The following FERD3L variants were observed in gnomAD, a reference collection of about 807,000 sequenced individuals.
The protein encoded by FERD3L is fer3-like protein.
FERD3L carries 7 observed loss-of-function variants against 7.5 expected under a neutral mutation model. The observed-to-expected ratio is 0.94, with a 90% CI of 0.53 to 1.76. The LOEUF is 1.76. FERD3L is among the 40% of genes most tolerant of loss of function. The pLI is 0.00. For synonymous variants in FERD3L, 122 were observed against 94.4 expected (o/e 1.29, Z -1.70); for missense variants, 264 against 220.9 (o/e 1.20, Z -1.24).
Position 19,144,946 on chromosome 7 carries a change from C to A in FERD3L, c.417G>T (p.Arg139=). ...CGATGGCCAGGCGGAGGGTCTCGAT[C>A]CGGGACAGCCTTTTCTCGTAAGCAA... The part of the protein sequence containing the change: ...PTFAYEKRLS[R]IETLRLAIVY... The change falls in exon 1 of 1, where the codon CGG becomes CGT. Residue 139 remains arginine (R), a synonymous_variant. Transcript: ENST00000275461. The A allele has an allele frequency of 6.2e-7, 1 of 1,614,182 alleles. No individual in the cohort carries two copies. The highest frequency in any genetic ancestry group is 1.3e-5 in the African/African-American group (1 of 75,058).
At position 19,145,304 on chromosome 7, in the gene FERD3L, A is replaced by G. The variant is rs539063986; in HGVS notation, c.59T>C (p.Leu20Pro). 3.1e-6 allele frequency: 5 copies of G among 1,611,334 alleles called. No homozygotes were observed. The highest frequency in any genetic ancestry group is 4.2e-6 in the Non-Finnish European group (5 of 1,179,428). Reference sequence around the variant, plus strand: ...AGGGCGTCTCGGGGAGGCCAGGGACAGGTCTGCGACGAAGTCCAGCACCGT... The same window carrying G: ...AGGGCGTCTCGGGGAGGCCAGGGACGGGTCTGCGACGAAGTCCAGCACCGT... Reference protein sequence around the residue: ...DTTVLDFVADLSLASPRRPLL... With the variant: ...DTTVLDFVADPSLASPRRPLL... The change falls in exon 1 of 1, where the codon CTG (leucine) becomes CCG (proline). Residue 20 changes from leucine to proline, a missense_variant. Coordinates refer to ENST00000275461, the MANE Select transcript of FERD3L (RefSeq NM_152898.2).
At position 19,144,861 on chromosome 7, in the gene FERD3L, C is replaced by T. The variant is rs768364620; in HGVS notation, c.*1G>A. ...GGAAGGGCAGACTCTCCACACCAGG[C>T]TCAGCCGCTTTCCTTCTTCTCACAG... On this transcript the variant is annotated 3_prime_UTR_variant, in exon 1 of 1. Transcript: ENST00000275461. 10 of 1,613,382 alleles carry T rather than the reference C, an allele frequency of 6.2e-6. No individual in the cohort carries two copies. In the South Asian group the frequency reaches 8.8e-5, roughly 14 times the overall value.
chr7:19,145,051 C>T lies in FERD3L; in HGVS notation c.312G>A (p.Gln104=). The T allele has an allele frequency of 6.2e-7, 1 of 1,614,162 alleles. No homozygotes were observed. The highest frequency in any genetic ancestry group is 8.5e-7 in the Non-Finnish European group (1 of 1,180,014). The change falls in exon 1 of 1, where the codon CAG becomes CAA. Residue 104 remains glutamine (Q), a synonymous_variant. Transcript: ENST00000275461. ...GCTTCCTTTCGCGGATGTTGGCGGC[C>T]TGGCGCTGGGCGTAGGTGATCACCC... ...RKRVITYAQR[Q]AANIRERKRM... is the part of the protein sequence containing the mutation.
Position 19,144,805 on chromosome 7 carries a change from G to A in FERD3L, c.*57C>T, listed in dbSNP as rs1039355767. ...GGCCCTTTAGCCTCACCCAGTGCCC[G>A]GTCCTGACACACCCCAGCACTACCA... On this transcript the variant is annotated 3_prime_UTR_variant, in exon 1 of 1. Transcript: ENST00000275461. 34 of 1,577,722 alleles carry A rather than the reference G, an allele frequency of 2.2e-5. No homozygotes were observed. In the East Asian group the frequency reaches 6.3e-4, roughly 29 times the overall value.
At position 19,145,100 on chromosome 7, in the gene FERD3L, A is replaced by G; in HGVS notation, c.263T>C (p.Leu88Pro). Residue 88 changes from leucine (L) to proline (P), a missense_variant, in exon 1 of 1, where the codon CTA becomes CCA. Coordinates refer to ENST00000275461, the MANE Select transcript of FERD3L (RefSeq NM_152898.2). ...EEEERGRGVS[L>P]LGRPKRKRVI... The stretch of plus-strand genomic sequence containing the variant: ...CCTTTTCCTCTTGGGGCGGCCTAAT[A>G]GGGAGACACCTCTTCCGCGCTCCTC... 6.2e-7 allele frequency: 1 copy of G among 1,613,282 alleles called. No homozygotes were observed. The highest frequency in any genetic ancestry group is 8.5e-7 in the Non-Finnish European group (1 of 1,179,582).
In FERD3L at chr7:19,145,172, T is replaced by G. The variant is rs970737177; in HGVS notation, c.191A>C (p.Glu64Ala). 8 of 1,613,686 alleles carry G rather than the reference T, an allele frequency of 5.0e-6. No homozygotes were observed. The highest frequency in any genetic ancestry group is 5.9e-6 in the Non-Finnish European group (7 of 1,179,772). ...CCCCTGGTCCACTTCGCACTCCTCTTCTTCTGGGTCCCCCTCTTCAAACCG... is the reference window on the plus strand; with the variant it reads ...CCCCTGGTCCACTTCGCACTCCTCTGCTTCTGGGTCCCCCTCTTCAAACCG... Reference protein sequence around the residue: ...MARFEEGDPEEEECEVDQGDG... With the variant: ...MARFEEGDPEAEECEVDQGDG... The change falls in exon 1 of 1, where the codon GAA becomes GCA. Residue 64 changes from glutamate (E) to alanine (A), a missense_variant. Glu to Ala is a moderately radical substitution (Grantham distance 107, BLOSUM62 -1). Transcript: ENST00000275461.
rs746656642 is a variant in FERD3L, at chr7:19,145,056, G to T, written c.307C>A (p.Arg103Ser). ...KRKRVITYAQ[R>S]QAANIRERKR... ...CTTTCGCGGATGTTGGCGGCCTGGCGCTGGGCGTAGGTGATCACCCTTTTC... is the reference window on the plus strand; with the variant it reads ...CTTTCGCGGATGTTGGCGGCCTGGCTCTGGGCGTAGGTGATCACCCTTTTC... The change falls in exon 1 of 1, where the codon CGC becomes AGC. Residue 103 changes from arginine (R) to serine (S), a missense_variant. Arg to Ser is a moderately radical substitution (Grantham distance 110, BLOSUM62 -1). Transcript: ENST00000275461. 3.7e-6 allele frequency: 6 copies of T among 1,614,156 alleles called. No individual in the cohort carries two copies. The highest frequency in any genetic ancestry group is 5.1e-6 in the Non-Finnish European group (6 of 1,180,024).
In FERD3L at chr7:19,145,123, C is replaced by G. The variant is rs199985178; in HGVS notation, c.240G>C (p.Glu80Asp). The change falls in exon 1 of 1, where the codon GAG becomes GAC. Residue 80 changes from glutamate (E) to aspartate (D), a missense_variant. By Grantham distance (45) the Glu-to-Asp change is conservative (BLOSUM62 2). Coordinates refer to ENST00000275461, the MANE Select transcript of FERD3L (RefSeq NM_152898.2). ...DQGDGEEEEE[E>D]ERGRGVSLLG... is the part of the protein sequence containing the mutation. ...ATAGGGAGACACCTCTTCCGCGCTC[C>G]TCTTCCTCCTCCTCTTCTCCGTCCC... 16 of 1,612,336 alleles carry G rather than the reference C, an allele frequency of 9.9e-6. No homozygotes were observed. The highest frequency in any genetic ancestry group is 1.4e-5 in the Non-Finnish European group (16 of 1,178,706).
rs757836312 is a variant in FERD3L, at chr7:19,145,329, T to C, written c.34A>G (p.Thr12Ala). ...AAYPESCVDTTVLDFVADLSL... is the reference protein window; with the variant it reads ...AAYPESCVDTAVLDFVADLSL... ...AGGTCTGCGACGAAGTCCAGCACCG[T>C]AGTGTCCACGCAGCTCTCCGGATAG... The change falls in exon 1 of 1, where the codon ACG becomes GCG. Residue 12 changes from threonine to alanine, a missense_variant. Physicochemically the swap from Thr to Ala is moderately conservative, Grantham distance 58 (BLOSUM62 0). Coordinates refer to ENST00000275461, the MANE Select transcript of FERD3L (RefSeq NM_152898.2). The C allele has an allele frequency of 8.8e-6, 14 of 1,599,696 alleles. No homozygotes were observed. Among genetic ancestry groups the C allele is most frequent in the Non-Finnish European group, 1.2e-5 (14 of 1,171,540 alleles).
rs751983847 is a variant in FERD3L, at chr7:19,145,269, C to A, written c.94G>T (p.Asp32Tyr). ...CCCAAGGAGACCCCGGGTGCGAAGT[C>A]GCAGAGGAGAGGGCGTCTCGGGGAG... ...LASPRRPLLC[D>Y]FAPGVSLGDP... Residue 32 changes from aspartate to tyrosine, a missense_variant, in exon 1 of 1, where the codon GAC becomes TAC. By Grantham distance (160) the Asp-to-Tyr change is radical (BLOSUM62 -3). Transcript: ENST00000275461. 2 of 1,613,814 alleles carry A rather than the reference C, an allele frequency of 1.2e-6. No individual in the cohort carries two copies. The highest frequency in any genetic ancestry group is 1.7e-6 in the Non-Finnish European group (2 of 1,180,002).
rs149671993 is a variant in FERD3L, at chr7:19,145,182, C to T, written c.181G>A (p.Asp61Asn). ...ACTTCGCACTCCTCTTCTTCTGGGT[C>T]CCCCTCTTCAAACCGCGCCATCCTC... ...PRRMARFEEG[D>N]PEEEECEVDQ... Residue 61 changes from aspartate (D) to asparagine (N), a missense_variant, in exon 1 of 1, where the codon GAC becomes AAC. Asp to Asn is a conservative substitution (Grantham distance 23). Transcript: ENST00000275461. 5.0e-6 allele frequency: 8 copies of T among 1,613,838 alleles called. No individual in the cohort carries two copies. The African/African-American group carries it at 8.0e-5, about 16-fold the overall frequency.
Position 19,144,974 on chromosome 7 carries a change from G to C in FERD3L, c.389C>G (p.Thr130Arg), listed in dbSNP as rs542887885. 61 of 1,614,036 alleles carry C rather than the reference G, an allele frequency of 3.8e-5. No homozygotes were observed. Among genetic ancestry groups the C allele is most frequent in the Middle Eastern group, 1.6e-4 (1 of 6,084 alleles). ...AFDQLRRKVP[T>R]FAYEKRLSRI... is the part of the protein sequence containing the mutation. ...GGACAGCCTTTTCTCGTAAGCAAAC[G>C]TGGGCACCTTCCTCCGCAGCTGGTC... Residue 130 changes from threonine to arginine, a missense_variant, in exon 1 of 1, where the codon ACG becomes AGG. Coordinates refer to ENST00000275461, the MANE Select transcript of FERD3L (RefSeq NM_152898.2).
chr7:19,144,842 G>A lies in FERD3L; in HGVS notation c.*20C>T, dbSNP rs372151732. The A allele has an allele frequency of 3.9e-5, 62 of 1,609,566 alleles. No individual in the cohort carries two copies. In the African/African-American group the frequency reaches 4.4e-4, roughly 11 times the overall value. ...CCCCAGCACTACCAGACGAGGAAGG[G>A]CAGACTCTCCACACCAGGCTCAGCC... On this transcript the variant is annotated 3_prime_UTR_variant, in exon 1 of 1. Coordinates refer to ENST00000275461, the MANE Select transcript of FERD3L (RefSeq NM_152898.2).
chr7:19,145,043 T>C lies in FERD3L; in HGVS notation c.320A>G (p.Asn107Ser). 1 of 1,614,184 alleles carries C rather than the reference T, an allele frequency of 6.2e-7. No homozygotes were observed. ...GAACATCCGCTTCCTTTCGCGGATG[T>C]TGGCGGCCTGGCGCTGGGCGTAGGT... The part of the protein sequence containing the change: ...VITYAQRQAA[N>S]IRERKRMFNL... Residue 107 changes from asparagine to serine, a missense_variant, in exon 1 of 1, where the codon AAC becomes AGC. Asn to Ser is a conservative substitution (Grantham distance 46). Coordinates refer to ENST00000275461, the MANE Select transcript of FERD3L (RefSeq NM_152898.2).
In FERD3L at chr7:19,145,170, C is replaced by G. The variant is rs1025426514; in HGVS notation, c.193G>C (p.Glu65Gln). ...ARFEEGDPEE[E>Q]ECEVDQGDGE... is the part of the protein sequence containing the mutation. ...TCCCCCTGGTCCACTTCGCACTCCT[C>G]TTCTTCTGGGTCCCCCTCTTCAAAC... Residue 65 changes from glutamate (E) to glutamine (Q), a missense_variant, in exon 1 of 1, where the codon GAG (glutamate) becomes CAG (glutamine). Physicochemically the swap from Glu to Gln is conservative, Grantham distance 29. Transcript: ENST00000275461. 1.2e-6 allele frequency: 2 copies of G among 1,613,722 alleles called. No homozygotes were observed. Among genetic ancestry groups the G allele is most frequent in the African/African-American group, 2.7e-5 (2 of 74,950 alleles).
rs768964317 is a variant in FERD3L at position 19,144,971 on chromosome 7, A to C, written c.392T>G (p.Phe131Cys). 2 of 1,614,038 alleles carry C rather than the reference A, an allele frequency of 1.2e-6. No individual in the cohort carries two copies. Among genetic ancestry groups the C allele is most frequent in the Admixed American group, 1.7e-5 (1 of 60,006 alleles). Residue 131 changes from phenylalanine (F) to cysteine (C), a missense_variant, in exon 1 of 1, where the codon TTT becomes TGT. Coordinates refer to ENST00000275461, the MANE Select transcript of FERD3L (RefSeq NM_152898.2). ...CCGGGACAGCCTTTTCTCGTAAGCA[A>C]ACGTGGGCACCTTCCTCCGCAGCTG... is the stretch of plus-strand genomic sequence containing the variant. ...FDQLRRKVPT[F>C]AYEKRLSRIE...
chr7:19,145,267 G>C lies in FERD3L; in HGVS notation c.96C>G (p.Asp32Glu). The change falls in exon 1 of 1, where the codon GAC (aspartate) becomes GAG (glutamate). Residue 32 changes from aspartate (D) to glutamate (E), a missense_variant. Coordinates refer to ENST00000275461, the MANE Select transcript of FERD3L (RefSeq NM_152898.2). ...LASPRRPLLC[D>E]FAPGVSLGDP... ...CCCCCAAGGAGACCCCGGGTGCGAA[G>C]TCGCAGAGGAGAGGGCGTCTCGGGG... 1 of 1,613,890 alleles carries C rather than the reference G, an allele frequency of 6.2e-7. No homozygotes were observed. Among genetic ancestry groups the C allele is most frequent in the Non-Finnish European group, 8.5e-7 (1 of 1,180,026 alleles).
Position 19,145,243 on chromosome 7 carries a change from C to G in FERD3L, c.120G>C (p.Gly40=). Residue 40 remains glycine, a synonymous_variant, in exon 1 of 1, where the codon GGG becomes GGC. Coordinates refer to ENST00000275461, the MANE Select transcript of FERD3L (RefSeq NM_152898.2). The part of the protein sequence containing the change: ...LCDFAPGVSL[G]DPALALREGR... ...CCTCTCGGAGCGCAAGGGCTGGGTC[C>G]CCCAAGGAGACCCCGGGTGCGAAGT... is the stretch of plus-strand genomic sequence containing the variant. The G allele has an allele frequency of 6.2e-7, 1 of 1,613,970 alleles. No homozygotes were observed. The highest frequency in any genetic ancestry group is 8.5e-7 in the Non-Finnish European group (1 of 1,180,036).
Position 19,144,870 on chromosome 7 carries a change from T to C in FERD3L, c.493A>G (p.Ser165Gly). The change falls in exon 1 of 1, where the codon AGC becomes GGC. Residue 165 changes from serine (S) to glycine (G), a missense_variant. Physicochemically the swap from Ser to Gly is moderately conservative, Grantham distance 56. Transcript: ENST00000275461. ...ELLESCEKKE[S>G]G ...GACTCTCCACACCAGGCTCAGCCGC[T>C]TTCCTTCTTCTCACAGCTCTCCAAG... 1.2e-6 allele frequency: 2 copies of C among 1,613,726 alleles called. No homozygotes were observed. Among genetic ancestry groups the C allele is most frequent in the Non-Finnish European group, 1.7e-6 (2 of 1,179,664 alleles).
Sources: gnomAD v4.1 joint callset for allele counts on GRCh38, gnomAD v4.1.1 for gene constraint, MANE v1.5 for transcripts, NCBI Gene and HGNC (gene_info 2026-07-23, HGNC 2026-07-21) for gene names.